The following KLF3 variants were observed in gnomAD, a reference collection of about 807,000 sequenced individuals.
KLF3 encodes the protein KLF transcription factor 3.
In KLF3, 6 loss-of-function variants were observed where a neutral mutation model predicts 32.7. The observed-to-expected ratio is 0.18, with a 90% CI of 0.10 to 0.36. The LOEUF (loss-of-function observed/expected upper bound fraction) is 0.36, where lower values mean the gene tolerates loss of function less well. KLF3 is among the 10% of genes least tolerant of loss of function. The probability of loss-of-function intolerance (pLI) is 1.00; values close to 1 mark genes in which losing one functional copy is unlikely to be tolerated. For missense variants in KLF3, 338 were observed against 449.7 expected (o/e 0.75, Z 2.25); for synonymous variants, 145 against 172.8 (o/e 0.84, Z 1.26).
intron 1 of KLF3, among the ~76,000 whole-genome samples, chr4:38,668,117 CAAG>C (rs974130530): frequency 4.6e-5 from 7 of 152,254 alleles, no homozygotes; most frequent in Non-Finnish European, 1.0e-4. Context: ...ATTTTGAAAA[CAAG>C]AAGAATGCTC....
intron 1 of KLF3, among the ~76,000 whole-genome samples, chr4:38,680,271 C>G (rs112517305): frequency 1.3e-5 from 2 of 151,698 alleles, no homozygotes; most frequent in African/African-American, 4.8e-5. Flanking sequence ...TGGAGTGCAG[C>G]GGTGCCATTT....
intron 1 of KLF3, among the ~76,000 whole-genome samples, chr4:38,667,752 G>A (rs141137238): frequency 5.3e-5 from 8 of 152,186 alleles, no homozygotes; most frequent in Non-Finnish European, 1.0e-4. Context: ...TTATCTGAAA[G>A]ATGTGGCCCA....
intron 3 of KLF3, 77 bp from the exon 4 acceptor site, chr4:38,689,652 G>C (rs1043088051): frequency 3.0e-6 from 3 of 1,005,984 alleles, no homozygotes; most frequent in Non-Finnish European, 2.9e-6. Flanking sequence ...GTTGTAGGTA[G>C]GAGCTATGCA....
chr4:38,684,666 C>A (rs1023504559), intron 2 of KLF3, among the ~76,000 whole-genome samples: 8 of 151,430 alleles, frequency 5.3e-5, no homozygotes, highest in African/African-American at 1.9e-4. Context: ...CAATCCTCCT[C>A]CCTCAGCCTC....
intron 1 of KLF3, among the ~76,000 whole-genome samples, chr4:38,670,060 G>A (rs537161549): frequency 6.6e-6 from 1 of 152,214 alleles, no homozygotes; most frequent in East Asian, 1.9e-4. Flanking sequence ...TGTTTCTTTA[G>A]CAAAACAGGC....
At position 38,688,689 on chromosome 4, in the gene KLF3, G is replaced by C. The variant is rs944703440; in HGVS notation, c.162G>C (p.Ser54=). 6.2e-7 allele frequency: 1 copy of C among 1,613,988 alleles called. No individual in the cohort carries two copies. Among genetic ancestry groups the C allele is most frequent in the African/African-American group, 1.3e-5 (1 of 74,886 alleles). Residue 54 remains serine, a synonymous_variant, in exon 3 of 6, where the codon TCG becomes TCC. Coordinates refer to ENST00000261438, the MANE Select transcript of KLF3 (RefSeq NM_016531.6). This position sits in a 1 kb window ranked among gnomAD's most constrained non-coding sequence, Gnocchi z 4.9. ...TCTTTCAGACCCCAGAAGGTCTGTC[G>C]CACGGAATACAGATGGAGCCAGTGG... ...EKFFQTPEGL[S]HGIQMEPVDL...
intron 1 of KLF3, among the ~76,000 whole-genome samples, chr4:38,666,831 G>A (rs906550368): frequency 6.6e-6 from 1 of 152,196 alleles, no homozygotes; most frequent in Non-Finnish European, 1.5e-5. Flanking sequence ...GGTTCTGTGG[G>A]GTACCCCAAT....
At chr4:38,666,274 C>T (rs1007319399) in intron 1 of KLF3, among the ~76,000 whole-genome samples, 3 of 152,154 alleles carry the variant, frequency 2.0e-5, no homozygotes, top group Non-Finnish European at 2.9e-5. Context: ...AGGTACAAAA[C>T]GACAACAGAG....
intron 1 of KLF3, among the ~76,000 whole-genome samples, chr4:38,679,797 G>A (rs1349609994): frequency 6.6e-6 from 1 of 152,206 alleles, no homozygotes; most frequent in Non-Finnish European, 1.5e-5. Flanking sequence ...TACACTATGA[G>A]CCCAGTTTTA....
intron 2 of KLF3, among the ~76,000 whole-genome samples, chr4:38,687,199 A>T (rs989701945): frequency 1.2e-4 from 18 of 152,374 alleles, no homozygotes; most frequent in Non-Finnish European, 1.8e-4. Context: ...TATGTTGTTT[A>T]TCACTGTCAC....
chr4:38,667,543 T>C (rs937244077), intron 1 of KLF3, among the ~76,000 whole-genome samples: 6 of 152,218 alleles, frequency 3.9e-5, no homozygotes, highest in Non-Finnish European at 8.8e-5. Flanking sequence ...CTTTTACCTT[T>C]TTAAATTTTT....
chr4:38,696,477 T>A (rs1723047984), intron 5 of KLF3, among the ~76,000 whole-genome samples: 1 of 152,146 alleles, frequency 6.6e-6, no homozygotes, highest in African/African-American at 2.4e-5. Flanking sequence ...CTGTAAATGA[T>A]CCTTATCCTA....
intron 1 of KLF3, among the ~76,000 whole-genome samples, chr4:38,675,127 C>G (rs956365961): frequency 1.3e-5 from 2 of 152,248 alleles, no homozygotes; most frequent in African/African-American, 4.8e-5. Context: ...ATCACGCAGT[C>G]TTGCATTTTG....
chr4:38,673,307 C>T (rs1331554565), intron 1 of KLF3, among the ~76,000 whole-genome samples: 1 of 152,176 alleles, frequency 6.6e-6, no homozygotes, highest in Non-Finnish European at 1.5e-5. Context: ...TGGGTGGAGG[C>T]TCCTTAGGGT....
In KLF3 at chr4:38,699,767, A is replaced by G. The variant is rs1254243850; in HGVS notation, c.*2504A>G. The G allele has an allele frequency of 1.3e-5, 2 of 152,214 alleles. No homozygotes were observed. Among genetic ancestry groups the G allele is most frequent in the Non-Finnish European group, 2.9e-5 (2 of 68,032 alleles). The allele number at this position is 152,214 out of a possible 1,614,324, so 9.4% of individuals were successfully genotyped here. ...CCCAGAGCGGCCATTCTCTATTCCCATGCTGGTCAATACGCTTTCATTACC... is the reference window on the plus strand; with the variant it reads ...CCCAGAGCGGCCATTCTCTATTCCCGTGCTGGTCAATACGCTTTCATTACC... On this transcript the variant is annotated 3_prime_UTR_variant, in exon 6 of 6. Transcript: ENST00000261438.
At chr4:38,672,961 G>A (rs964545995) in intron 1 of KLF3, among the ~76,000 whole-genome samples, 3 of 152,188 alleles carry the variant, frequency 2.0e-5, no homozygotes, top group Non-Finnish European at 4.4e-5. Flanking sequence ...GCGGGGAGGG[G>A]GCAGCCTTAG....
rs545371823 is a variant in KLF3, at chr4:38,681,059, CAAA to C, written c.57+391_57+393del. 10 of 120,596 alleles carry C rather than the reference CAAA, an allele frequency of 8.3e-5. No individual in the cohort carries two copies. The South Asian group carries it at 1.0e-3, about 12-fold the overall frequency. The allele number at this position is 120,596 out of a possible 1,614,324, so 7.5% of individuals were successfully genotyped here. ...GGGCAACAAGAGCGAAAGTCCGTCT[CAAA>C]AAAAAAAAAAAAATCACTCATTGCT... On this transcript the variant is annotated intron_variant, in intron 2 of 5. Transcript: ENST00000261438.
chr4:38,700,687 C>T lies in KLF3; in HGVS notation c.*3424C>T, dbSNP rs1723172768. Reference sequence around the variant, plus strand: ...CTGCTTAGCATCTCTTAAACCATACCTGCAAATATAGCAGGATTATTACAT... The same window carrying T: ...CTGCTTAGCATCTCTTAAACCATACTTGCAAATATAGCAGGATTATTACAT... On this transcript the variant is annotated 3_prime_UTR_variant, in exon 6 of 6. Transcript: ENST00000261438. 1 of 152,144 alleles carries T rather than the reference C, an allele frequency of 6.6e-6. No homozygotes were observed. The highest frequency in any genetic ancestry group is 2.1e-4 in the South Asian group (1 of 4,836). 9.4% of individuals were successfully genotyped at this position (152,144 alleles called of 1,614,324 possible).
intron 2 of KLF3, 159 bp downstream of exon 2, chr4:38,680,841 G>C (rs1055655319): frequency 1.7e-5 from 9 of 532,782 alleles, no homozygotes; most frequent in Middle Eastern, 3.0e-4. Context: ...ACCTGAGGTC[G>C]GGAGTTTGAG....
Sources: allele counts gnomAD v4.1 joint callset (sites outside exome capture counted in the v4.1 genomes callset), GRCh38; gene constraint gnomAD v4.1.1; non-coding constraint Gnocchi (gnomAD v3.1); transcripts MANE v1.5; gene names NCBI Gene and HGNC (gene_info 2026-07-23, HGNC 2026-07-21).